Variants in LMF1 observed in about 807,000 individuals in gnomAD.
The protein encoded by LMF1 is lipase maturation factor 1.
In LMF1, 68 loss-of-function variants were observed where a neutral mutation model predicts 60.6. The observed-to-expected ratio is 1.12, with a 90% CI of 0.92 to 1.37. The LOEUF is 1.37. LMF1 is among the 40% of genes most tolerant of loss of function. The pLI is 0.00. For missense variants in LMF1, 948 were observed against 767.2 expected (o/e 1.24, Z -2.78); for synonymous variants, 418 against 324.7 (o/e 1.29, Z -3.09).
chr16:962,864 C>A lies in LMF1; in HGVS notation c.193+7924G>T, dbSNP rs1444236443. Among the ~76,000 whole-genome samples the A allele has an allele frequency of 1.3e-5, 2 of 152,198 alleles. No homozygotes were observed. The highest frequency in any genetic ancestry group is 4.8e-5 in the African/African-American group (2 of 41,454). On this transcript the variant is annotated intron_variant, in intron 1 of 10. Coordinates refer to ENST00000262301, the MANE Select transcript of LMF1 (RefSeq NM_022773.4). This position sits in a 1 kb window ranked among gnomAD's most constrained non-coding sequence, Gnocchi z 4.5. The stretch of plus-strand genomic sequence containing the variant: ...AAGTAAAGGTTTCTCGAAGACTCTG[C>A]ACCACTCAGTGCCCGGCATGAAGCG...
At chr16:970,379 G>A (rs972174165) in intron 1 of LMF1, among the ~76,000 whole-genome samples, 1 of 152,134 alleles carries the variant, frequency 6.6e-6, no homozygotes, top group African/African-American at 2.4e-5. Flanking sequence ...GCCGCCCCCC[G>A]CCCCGCAGCC....
intron 9 of LMF1, chr16:869,314 C>A (rs1567151405): frequency 3.0e-6 from 2 of 672,618 alleles, no homozygotes; most frequent in Non-Finnish European, 5.5e-6. Flanking sequence ...ACCCCAGCAC[C>A]CTCTGTCTGG....
At chr16:881,737 C>T (rs138101363) in intron 5 of LMF1, among the ~76,000 whole-genome samples, 11 of 152,294 alleles carry the variant, frequency 7.2e-5, no homozygotes, top group South Asian at 2.1e-4. Context: ...TTTGGGGTTG[C>T]GGCGAGACCC....
chr16:966,613 T>C (rs368425409), intron 1 of LMF1, among the ~76,000 whole-genome samples: 1 of 135,080 alleles, frequency 7.4e-6, no homozygotes, highest in Admixed American at 7.4e-5. Flanking sequence ...TTCAGATATA[T>C]ATACTCCGTG....
chr16:969,490 C>G (rs561820070), intron 1 of LMF1, among the ~76,000 whole-genome samples: 1 of 152,218 alleles, frequency 6.6e-6, no homozygotes, highest in Non-Finnish European at 1.5e-5. Flanking sequence ...AAACGTCGAA[C>G]TGAGCATCAC....
rs1046601372 is a variant in LMF1 at position 878,598 on chromosome 16, G to A, written c.897+972C>T. Among the ~76,000 whole-genome samples the A allele has an allele frequency of 5.9e-5, 9 of 152,320 alleles. No individual in the cohort carries two copies. In the East Asian group the frequency reaches 1.2e-3, roughly 20 times the overall value. On this transcript the variant is annotated intron_variant, in intron 6 of 10. Transcript: ENST00000262301. This position sits in a 1 kb window ranked among gnomAD's most constrained non-coding sequence, Gnocchi z 5.2. ...CACAGACGGGACGGGTGAACCGACC[G>A]CAGGCACGCACCGTGAAACAGGACC...
At chr16:881,311 C>A (rs2070156762) in intron 5 of LMF1, 2 of 152,290 alleles carry the variant, frequency 1.3e-5, no homozygotes, top group South Asian at 2.1e-4. Context: ...TTTGTTTACA[C>A]TGAGGCTAGG....
chr16:959,381 G>A (rs2072775784), intron 1 of LMF1, among the ~76,000 whole-genome samples: 1 of 152,180 alleles, frequency 6.6e-6, no homozygotes, highest in African/African-American at 2.4e-5. Flanking sequence ...CAGAGGGACG[G>A]GAGACAGACC....
chr16:980,992 G>C (rs1216269740), intron 1 of LMF1: 1 of 158,708 alleles, frequency 6.3e-6, no homozygotes, highest in Non-Finnish European at 1.4e-5. Flanking sequence ...TCAGCGCCGG[G>C]GTCAGCGCAG....
chr16:905,596 C>A (rs1341095137), intron 4 of LMF1, among the ~76,000 whole-genome samples: 1 of 152,156 alleles, frequency 6.6e-6, no homozygotes, highest in East Asian at 1.9e-4. Flanking sequence ...TCCTTTCCCT[C>A]TTTAAAAAAT....
intron 3 of LMF1, among the ~76,000 whole-genome samples, chr16:917,024 C>G (rs1335702564): frequency 6.6e-6 from 1 of 152,290 alleles, no homozygotes; most frequent in East Asian, 1.9e-4. Context: ...TGCTCAGCGT[C>G]GGGGATGGAG....
intron 4 of LMF1, among the ~76,000 whole-genome samples, chr16:894,042 C>A (rs1203860864): frequency 7.9e-6 from 1 of 126,054 alleles, no homozygotes; most frequent in Non-Finnish European, 1.7e-5. Flanking sequence ...TCTGCCCACT[C>A]GTCCCCTGTC....
intron 4 of LMF1, among the ~76,000 whole-genome samples, chr16:908,670 G>A (rs931431112): frequency 2.0e-5 from 3 of 152,234 alleles, no homozygotes; most frequent in Admixed American, 2.0e-4. Flanking sequence ...CACCAGCCCA[G>A]AGGTCACCAG....
chr16:947,160 AGTGCCTGGCCTTGT>A (rs1429540743), intron 2 of LMF1, among the ~76,000 whole-genome samples: 3 of 152,256 alleles, frequency 2.0e-5, no homozygotes, highest in African/African-American at 7.2e-5. Flanking sequence ...GGGCTCTCTG[AGTGCCTGGCCTTGT>A]GTGGCAACTG....
At chr16:926,615 A>G (rs1222732361) in intron 3 of LMF1, among the ~76,000 whole-genome samples, 1 of 152,220 alleles carries the variant, frequency 6.6e-6, no homozygotes. Context: ...CCCTCAAAAC[A>G]AGCGCCACCA....
chr16:882,870 C>T lies in LMF1; in HGVS notation c.730-3133G>A, dbSNP rs143946634. On this transcript the variant is annotated intron_variant, in intron 5 of 10. Coordinates refer to ENST00000262301, the MANE Select transcript of LMF1 (RefSeq NM_022773.4). ...CCGCCCAGCGGAGCCCATCGCAGGA[C>T]CAGGAGAAAGAGGAGCCACCCAGCG... Among the ~76,000 whole-genome samples the T allele has an allele frequency of 6.6e-3, 961 of 146,034 alleles. 7 individuals carry two copies. Among genetic ancestry groups the T allele is most frequent in the African/African-American group, 0.024 (896 of 37,440 alleles).
intron 2 of LMF1, among the ~76,000 whole-genome samples, chr16:940,496 G>A (rs1047726322): frequency 6.6e-6 from 1 of 152,104 alleles, no homozygotes; most frequent in Admixed American, 6.5e-5. Context: ...GGAAACAGCT[G>A]GGAAACCCCA....
chr16:887,767 C>T (rs900824260), intron 5 of LMF1, among the ~76,000 whole-genome samples: 4 of 152,282 alleles, frequency 2.6e-5, no homozygotes, highest in Middle Eastern at 3.4e-3. Flanking sequence ...GGCCTGGGCC[C>T]GGAGTCAGGG....
At chr16:855,287 G>C (rs2069154961) in intron 10 of LMF1, 1 of 250,836 alleles carries the variant, frequency 4.0e-6, no homozygotes, top group South Asian at 4.7e-5. Flanking sequence ...GATGCTGGCT[G>C]GCTGCTCTCC....
Sources: allele counts gnomAD v4.1 joint callset (sites outside exome capture counted in the v4.1 genomes callset), GRCh38; gene constraint gnomAD v4.1.1; non-coding constraint Gnocchi (gnomAD v3.1); transcripts MANE v1.5; gene names NCBI Gene and HGNC (gene_info 2026-07-23, HGNC 2026-07-21).